The following ACTR3 variants were observed in gnomAD, a reference collection of about 807,000 sequenced individuals.
The protein encoded by ACTR3 is actin-related protein 3.
A neutral mutation model predicts 56.8 loss-of-function variants in ACTR3; 12 were observed. That is an observed-to-expected ratio of 0.21 (90% CI 0.14 to 0.34). The LOEUF (loss-of-function observed/expected upper bound fraction) is 0.34, where lower values mean the gene tolerates loss of function less well. ACTR3 is among the 10% of genes least tolerant of loss of function. The probability of loss-of-function intolerance (pLI) is 1.00; values close to 1 mark genes in which losing one functional copy is unlikely to be tolerated. For synonymous variants in ACTR3, 162 were observed against 167.4 expected (o/e 0.97, Z 0.25); for missense variants, 282 against 512.5 (o/e 0.55, Z 4.34).
At chr2:113,923,969 A>G (rs894511517) in intron 3 of ACTR3, among the ~76,000 whole-genome samples, 2 of 151,966 alleles carry the variant, frequency 1.3e-5, no homozygotes, top group African/African-American at 4.8e-5. Flanking sequence ...ATCAGACAAA[A>G]CACAATTTTT....
Position 113,894,611 on chromosome 2 carries a change from T to A in ACTR3, c.44+4288T>A, listed in dbSNP as rs553851515. 3.9e-5 allele frequency among the ~76,000 whole-genome samples: 6 copies of A among 152,316 alleles called. No individual in the cohort carries two copies. In the South Asian group the frequency reaches 1.2e-3, roughly 32 times the overall value. ...CCTGCCTGCCAATTTTGTGTTGAAA[T>A]ATTGACTTTGGATTGCAAATACTAT... On this transcript the variant is annotated intron_variant, in intron 1 of 11. Coordinates refer to ENST00000263238, the MANE Select transcript of ACTR3 (RefSeq NM_005721.5).
chr2:113,900,632 A>G (rs979562157), intron 1 of ACTR3, among the ~76,000 whole-genome samples: 10 of 152,196 alleles, frequency 6.6e-5, no homozygotes, highest in African/African-American at 2.4e-4. Flanking sequence ...CCTTATGACA[A>G]CCTCATGAAT....
chr2:113,940,820 A>ATTTT (rs58868582), intron 7 of ACTR3, among the ~76,000 whole-genome samples: 2 of 122,004 alleles, frequency 1.6e-5, no homozygotes, highest in East Asian at 2.3e-4. Context: ...ATTTTTATTG[A>ATTTT]TTTTTTTTTT....
chr2:113,951,903 G>T, intron 10 of ACTR3, 58 bp downstream of exon 10: 1 of 1,593,492 alleles, frequency 6.3e-7, no homozygotes. Context: ...ATTAGGATGA[G>T]AAATATTTGC....
intron 2 of ACTR3, among the ~76,000 whole-genome samples, chr2:113,913,543 G>C (rs1454306330): frequency 6.6e-6 from 1 of 152,148 alleles, no homozygotes; most frequent in Non-Finnish European, 1.5e-5. Flanking sequence ...TAATTATCAA[G>C]TAGTCCATTC....
At chr2:113,951,624 C>A in intron 9 of ACTR3, 53 bp downstream of exon 9, 1 of 1,536,878 alleles carries the variant, frequency 6.5e-7, no homozygotes, top group Non-Finnish European at 9.0e-7. Flanking sequence ...AACTTAAACA[C>A]CTCTCATAAA....
intron 5 of ACTR3, 62 bp from the exon 6 acceptor site, chr2:113,934,217 A>G: frequency 8.8e-7 from 1 of 1,134,748 alleles, no homozygotes. Flanking sequence ...TTTTCGATTA[A>G]CTCTTTGTTT....
At chr2:113,925,194 C>CTTT (rs771794090) in intron 3 of ACTR3, among the ~76,000 whole-genome samples, 120 of 105,178 alleles carry the variant, frequency 1.1e-3, no homozygotes, top group African/African-American at 4.2e-3. Flanking sequence ...ATCGTGCCAC[C>CTTT]TTTTTTTTTT....
chr2:113,959,477 A>G lies in ACTR3; in HGVS notation c.*2022A>G, dbSNP rs1025947518. On this transcript the variant is annotated 3_prime_UTR_variant, in exon 12 of 12. Transcript: ENST00000263238. ...TATAAAGCTATTTGATGACAATCTC[A>G]GGCATATTTATACAGAGATGTTCTT... 6.6e-6 allele frequency: 1 copy of G among 152,054 alleles called. No individual in the cohort carries two copies. The highest frequency in any genetic ancestry group is 2.4e-5 in the African/African-American group (1 of 41,444). 9.4% of individuals were successfully genotyped at this position (152,054 alleles called of 1,614,324 possible).
chr2:113,895,480 G>A (rs1291402283), intron 1 of ACTR3, among the ~76,000 whole-genome samples: 1 of 150,948 alleles, frequency 6.6e-6, no homozygotes, highest in Non-Finnish European at 1.5e-5. Context: ...TAAAAAAACT[G>A]TGCATCAGAA....
intron 1 of ACTR3, chr2:113,905,351 G>C (rs991201584): frequency 6.6e-6 from 1 of 152,060 alleles, no homozygotes; most frequent in African/African-American, 2.4e-5. Context: ...TGTAGTCTTA[G>C]CTACTTGGGA....
At chr2:113,897,364 A>T (rs1414679559) in intron 1 of ACTR3, among the ~76,000 whole-genome samples, 1 of 152,084 alleles carries the variant, frequency 6.6e-6, no homozygotes, top group Non-Finnish European at 1.5e-5. Context: ...AAAAAATTCT[A>T]GTTTTTTTAA....
intron 10 of ACTR3, chr2:113,953,231 A>C (rs1168923821): frequency 6.6e-6 from 1 of 152,194 alleles, no homozygotes; most frequent in Non-Finnish European, 1.5e-5. Context: ...ATAAGAAATA[A>C]ATTTACCCAG....
At chr2:113,892,152 A>G (rs1420090988) in intron 1 of ACTR3, among the ~76,000 whole-genome samples, 1 of 152,206 alleles carries the variant, frequency 6.6e-6, no homozygotes, top group Non-Finnish European at 1.5e-5. Flanking sequence ...CCCCTTTTGA[A>G]ATAGTTTCGA....
intron 3 of ACTR3, among the ~76,000 whole-genome samples, chr2:113,924,052 CTCTTTTTTTT>C (rs1474766945): frequency 7.1e-6 from 1 of 140,692 alleles, no homozygotes; most frequent in East Asian, 2.1e-4. Flanking sequence ...TGACTTTTTT[CTCTTTTTTTT>C]TTTTTTTTTG....
intron 8 of ACTR3, among the ~76,000 whole-genome samples, chr2:113,945,341 C>T (rs1442885449): frequency 6.6e-6 from 1 of 152,188 alleles, no homozygotes; most frequent in South Asian, 2.1e-4. Flanking sequence ...TTGGTAGTAA[C>T]CCCCAGATTT....
chr2:113,905,525 T>A (rs1679177031), intron 1 of ACTR3, among the ~76,000 whole-genome samples: 1 of 152,100 alleles, frequency 6.6e-6, no homozygotes, highest in Non-Finnish European at 1.5e-5. Flanking sequence ...TGTTTAACTA[T>A]TTCTAAGTGT....
At chr2:113,911,031 T>A (rs76989486) in intron 1 of ACTR3, among the ~76,000 whole-genome samples, 165 of 152,320 alleles carry the variant, frequency 1.1e-3, no homozygotes, top group African/African-American at 3.7e-3. Context: ...AACAAGTTTT[T>A]ATTTTGGTAT....
chr2:113,937,167 G>A (rs1435791913), intron 6 of ACTR3, among the ~76,000 whole-genome samples: 3 of 152,140 alleles, frequency 2.0e-5, no homozygotes, highest in East Asian at 1.9e-4. Flanking sequence ...GCAGTGGTGC[G>A]ATCTCAGCTC....
Sources: gnomAD v4.1 joint callset for allele counts (sites outside exome capture counted in the v4.1 genomes callset) on GRCh38, gnomAD v4.1.1 for gene constraint, MANE v1.5 for transcripts, NCBI Gene and HGNC (gene_info 2026-07-23, HGNC 2026-07-21) for gene names.